Variants in TRMT9B observed in about 807,000 individuals in gnomAD.
TRMT9B encodes probable tRNA methyltransferase 9B.
TRMT9B carries 16 observed loss-of-function variants against 11.5 expected under a neutral mutation model. That is an observed-to-expected ratio of 1.39 (90% CI 0.94 to 2.11). The LOEUF (loss-of-function observed/expected upper bound fraction) is 2.11. TRMT9B is among the 30% of genes most tolerant of loss of function. The pLI is 0.00. For missense variants in TRMT9B, 941 were observed against 553.8 expected (o/e 1.70, Z -7.02); for synonymous variants, 274 against 192.4 (o/e 1.42, Z -3.51).
At chr8:13,000,808 C>A (rs1264737410) in intron 2 of TRMT9B, among the ~76,000 whole-genome samples, 1 of 152,188 alleles carries the variant, frequency 6.6e-6, no homozygotes, top group Non-Finnish European at 1.5e-5. Context: ...AGCAGTTTCC[C>A]TGCCTTGGGA....
chr8:13,004,092 G>C (rs1010691836), intron 2 of TRMT9B, among the ~76,000 whole-genome samples: 11 of 151,934 alleles, frequency 7.2e-5, no homozygotes, highest in African/African-American at 2.4e-4. Context: ...GCTGACAGCT[G>C]CCCACAGAGG....
At chr8:12,997,314 G>C (rs1808545551) in intron 2 of TRMT9B, among the ~76,000 whole-genome samples, 1 of 151,964 alleles carries the variant, frequency 6.6e-6, no homozygotes, top group Non-Finnish European at 1.5e-5. Context: ...AAAGGAGCCT[G>C]GCATCTCCTC....
chr8:12,980,766 G>T (rs915523455), intron 1 of TRMT9B, among the ~76,000 whole-genome samples: 2 of 152,120 alleles, frequency 1.3e-5, no homozygotes, highest in African/African-American at 4.8e-5. Flanking sequence ...TGGTGTAGAG[G>T]AGAAAGGAAA....
rs1443589899 is a variant in TRMT9B at position 12,945,911 on chromosome 8, T to C, written c.-255T>C. On this transcript the variant is annotated 5_prime_UTR_variant, in exon 1 of 5. Transcript: ENST00000524591. ...GCTGAATCCTACACAGTCCTCCCTC[T>C]GGGAAAGTGATGAAACCTGTGAGCT... The C allele has an allele frequency of 6.6e-6, 1 of 152,240 alleles. No individual in the cohort carries two copies. Among genetic ancestry groups the C allele is most frequent in the East Asian group, 1.9e-4 (1 of 5,196 alleles). The allele number at this position is 152,240 out of a possible 1,614,324, so 9.4% of individuals were successfully genotyped here.
chr8:12,991,062 C>G (rs1335858479), intron 2 of TRMT9B, 31 bp downstream of exon 2: 11 of 1,116,374 alleles, frequency 9.9e-6, no homozygotes, highest in Non-Finnish European at 1.3e-5. Context: ...CTGCAACTCA[C>G]ATACCATGAG....
Position 13,021,588 on chromosome 8 carries a change from A to G in TRMT9B, c.909A>G (p.Lys303=), listed in dbSNP as rs1259839022. Residue 303 remains lysine, a synonymous_variant, in exon 5 of 5, where the codon AAA becomes AAG. Transcript: ENST00000524591. ...DFDHQEPFST[K]GQSLDEEVFV... is the part of the protein sequence containing the mutation. Reference sequence around the variant, plus strand: ...ATCACCAAGAGCCATTTTCAACAAAAGGGCAAAGTTTAGATGAGGAAGTGT... The same window carrying G: ...ATCACCAAGAGCCATTTTCAACAAAGGGGCAAAGTTTAGATGAGGAAGTGT... 1 of 1,613,832 alleles carries G rather than the reference A, an allele frequency of 6.2e-7. No individual in the cohort carries two copies.
intron 1 of TRMT9B, among the ~76,000 whole-genome samples, chr8:12,966,922 T>C (rs1249626028): frequency 6.6e-6 from 1 of 152,202 alleles, no homozygotes; most frequent in African/African-American, 2.4e-5. Flanking sequence ...TTTTACAGTG[T>C]TCCTTTCCAT....
chr8:12,979,951 G>A (rs901844200), intron 1 of TRMT9B, among the ~76,000 whole-genome samples: 1 of 152,126 alleles, frequency 6.6e-6, no homozygotes, highest in African/African-American at 2.4e-5. Context: ...TTTAGTGAGA[G>A]TGATGTGGCC....
intron 2 of TRMT9B, among the ~76,000 whole-genome samples, chr8:12,998,979 T>A (rs137985898): frequency 6.6e-6 from 1 of 152,280 alleles, no homozygotes; most frequent in Non-Finnish European, 1.5e-5. Context: ...TATCCCTGTT[T>A]CTTTACCCAG....
chr8:12,997,116 G>A (rs2128882683), intron 2 of TRMT9B, among the ~76,000 whole-genome samples: 1 of 151,988 alleles, frequency 6.6e-6, no homozygotes, highest in East Asian at 1.9e-4. Flanking sequence ...GATATTTGTG[G>A]AATGTATATC....
intron 1 of TRMT9B, among the ~76,000 whole-genome samples, chr8:12,984,368 T>C (rs1805912316): frequency 1.3e-5 from 2 of 152,198 alleles, no homozygotes; most frequent in African/African-American, 4.8e-5. Context: ...GTTACACTAA[T>C]ATATAATTCA....
At chr8:12,991,769 A>C (rs1439759601) in intron 2 of TRMT9B, among the ~76,000 whole-genome samples, 1 of 152,084 alleles carries the variant, frequency 6.6e-6, no homozygotes, top group African/African-American at 2.4e-5. Context: ...CGTCTCTACT[A>C]AAAATGCACA....
At chr8:12,977,901 T>G (rs1373367652) in intron 1 of TRMT9B, among the ~76,000 whole-genome samples, 1 of 151,640 alleles carries the variant, frequency 6.6e-6, no homozygotes, top group Non-Finnish European at 1.5e-5. Flanking sequence ...CCGTGGCATG[T>G]GCCTTTAGTC....
chr8:13,011,064 A>T (rs933877477), intron 3 of TRMT9B: 46 of 438,446 alleles, frequency 1.0e-4, no homozygotes, highest in Admixed American at 1.3e-4. Context: ...AGCTCACTGC[A>T]ACCTCCACCT....
intron 1 of TRMT9B, among the ~76,000 whole-genome samples, chr8:12,985,403 T>G (rs1806126665): frequency 6.6e-6 from 1 of 152,210 alleles, no homozygotes; most frequent in African/African-American, 2.4e-5. Flanking sequence ...AAAATATTTA[T>G]GAAGCTGTTT....
intron 1 of TRMT9B, among the ~76,000 whole-genome samples, chr8:12,969,019 C>G (rs1030128706): frequency 6.6e-6 from 1 of 152,182 alleles, no homozygotes; most frequent in African/African-American, 2.4e-5. Context: ...CGAGGCTAGC[C>G]TGATCAACAT....
At chr8:12,982,490 C>T (rs558542090) in intron 1 of TRMT9B, among the ~76,000 whole-genome samples, 9 of 152,168 alleles carry the variant, frequency 5.9e-5, no homozygotes, top group South Asian at 2.1e-4. Context: ...AGTGAAACCC[C>T]GTCTCTACTA....
At chr8:13,005,424 A>G (rs73204376) in intron 2 of TRMT9B, among the ~76,000 whole-genome samples, 3,788 of 152,282 alleles carry the variant, frequency 0.025, 57 homozygotes, top group Non-Finnish European at 0.031. Context: ...TAAATGACTA[A>G]AAGAGTATAT....
At chr8:13,003,869 T>G (rs1809919549) in intron 2 of TRMT9B, among the ~76,000 whole-genome samples, 1 of 150,030 alleles carries the variant, frequency 6.7e-6, no homozygotes, top group Non-Finnish European at 1.5e-5. Flanking sequence ...GTGCCTGGTT[T>G]TGACTTCATA....
Sources: gnomAD v4.1 joint callset for allele counts (sites outside exome capture counted in the v4.1 genomes callset) on GRCh38, gnomAD v4.1.1 for gene constraint, MANE v1.5 for transcripts, NCBI Gene and HGNC (gene_info 2026-07-23, HGNC 2026-07-21) for gene names.